The following EIF2AK2 variants were observed in gnomAD, a reference collection of about 807,000 sequenced individuals.
EIF2AK2 encodes interferon-induced, double-stranded RNA-activated protein kinase.
A neutral mutation model predicts 70.5 loss-of-function variants in EIF2AK2; 40 were observed. The observed-to-expected ratio is 0.57, with a 90% confidence interval of 0.44 to 0.74. EIF2AK2 has a LOEUF of 0.74. EIF2AK2 is among the 30% of genes least tolerant of loss of function. The probability of loss-of-function intolerance (pLI) is 0.00; values close to 1 mark genes in which losing one functional copy is unlikely to be tolerated. For synonymous variants in EIF2AK2, 198 were observed against 220.9 expected (o/e 0.90, Z 0.92); for missense variants, 555 against 644.3 (o/e 0.86, Z 1.50).
intron 5 of EIF2AK2, among the ~76,000 whole-genome samples, chr2:37,140,604 C>A (rs923397323): frequency 4.0e-5 from 6 of 151,592 alleles, no homozygotes; most frequent in East Asian, 1.9e-4. Context: ...GATACTGCCC[C>A]CCCCCGCAAA....
chr2:37,112,239 A>G (rs1301426498), intron 14 of EIF2AK2, among the ~76,000 whole-genome samples: 1 of 152,142 alleles, frequency 6.6e-6, no homozygotes, highest in Non-Finnish European at 1.5e-5. Flanking sequence ...AGACACTCAG[A>G]GCAAAACTGC....
At chr2:37,139,519 T>C in intron 6 of EIF2AK2, 112 bp downstream of exon 6, 2 of 1,424,582 alleles carry the variant, frequency 1.4e-6, no homozygotes, top group South Asian at 1.3e-5. Flanking sequence ...AATGGAGGAA[T>C]CATTTTGCTA....
intron 1 of EIF2AK2, among the ~76,000 whole-genome samples, chr2:37,154,724 C>G (rs1675863162): frequency 6.6e-6 from 1 of 152,036 alleles, no homozygotes; most frequent in Non-Finnish European, 1.5e-5. Flanking sequence ...CCACGCCCGG[C>G]TAATTTTTTA....
At chr2:37,142,559 G>A (rs1675372143) in intron 4 of EIF2AK2, among the ~76,000 whole-genome samples, 1 of 150,820 alleles carries the variant, frequency 6.6e-6, no homozygotes, top group Admixed American at 6.6e-5. Context: ...GCTTTTTGGG[G>A]GTAAAACATT....
chr2:37,149,640 GA>G (rs1483024056), intron 1 of EIF2AK2, among the ~76,000 whole-genome samples: 6 of 152,156 alleles, frequency 3.9e-5, no homozygotes, highest in Non-Finnish European at 8.8e-5. Flanking sequence ...AACTGGTAAG[GA>G]AACTGGTGTT....
intron 4 of EIF2AK2, among the ~76,000 whole-genome samples, chr2:37,144,440 A>G (rs1675452398): frequency 6.6e-6 from 1 of 152,068 alleles, no homozygotes; most frequent in Non-Finnish European, 1.5e-5. Flanking sequence ...GAATTGCTAC[A>G]ATAGGAGATG....
rs1207574030 is a variant in EIF2AK2 at position 37,130,444 on chromosome 2, C to G, written c.786-4033G>C. Among the ~76,000 whole-genome samples, 3 of 152,160 alleles carry G rather than the reference C, an allele frequency of 2.0e-5. No individual in the cohort carries two copies. In the South Asian group the frequency reaches 6.2e-4, roughly 32 times the overall value. On this transcript the variant is annotated intron_variant, in intron 10 of 16. Transcript: ENST00000233057. The stretch of plus-strand genomic sequence containing the variant: ...ATCCCCACCCATTCTCCCCACAATA[C>G]TCCTATTCTCCCAATTACAAAACCA...
Position 37,106,769 on chromosome 2 carries a change from C to G in EIF2AK2, c.*504G>C, listed in dbSNP as rs1441632980. 6.6e-6 allele frequency: 1 copy of G among 152,088 alleles called. No individual in the cohort carries two copies. The highest frequency in any genetic ancestry group is 1.5e-5 in the Non-Finnish European group (1 of 68,186). The allele number at this position is 152,088 out of a possible 1,614,324, so 9.4% of individuals were successfully genotyped here. A position where few individuals can be genotyped will look rare whatever the true frequency, so the allele number is the denominator to read the frequency against. ...TTTAGAACAAAGAGATGAGGCTGGG[C>G]GCGGTGGCTCATCCCTGTAATCCCA... On this transcript the variant is annotated 3_prime_UTR_variant, in exon 17 of 17. Coordinates refer to ENST00000233057, the MANE Select transcript of EIF2AK2 (RefSeq NM_001135651.3).
chr2:37,139,497 G>T, intron 6 of EIF2AK2, 134 bp downstream of exon 6: 1 of 1,279,860 alleles, frequency 7.8e-7, no homozygotes, highest in Non-Finnish European at 1.1e-6. Context: ...ATGGCTCATC[G>T]GTACGACACA....
At chr2:37,139,252 T>C (rs1573028925) in intron 6 of EIF2AK2, among the ~76,000 whole-genome samples, 1 of 149,970 alleles carries the variant, frequency 6.7e-6, no homozygotes, top group Non-Finnish European at 1.5e-5. Context: ...GAGGCGGAGG[T>C]TGCAGTGAGC....
chr2:37,139,717 T>A lies in EIF2AK2; in HGVS notation c.430A>T (p.Ile144Phe), dbSNP rs187460509. The A allele has an allele frequency of 1.6e-5, 26 of 1,613,384 alleles. No homozygotes were observed. In the East Asian group the frequency reaches 5.6e-4, roughly 35 times the overall value. The part of the protein sequence containing the change: ...KCKMGQKEYS[I>F]GTGSTKQEAK... Reference sequence around the variant, plus strand: ...TCCTGTTTAGTAGAACCTGTACCAATACTATATTCTTTCTGTCCCATTTTG... The same window carrying A: ...TCCTGTTTAGTAGAACCTGTACCAAAACTATATTCTTTCTGTCCCATTTTG... The change falls in exon 6 of 17, where the codon ATT becomes TTT. Residue 144 changes from isoleucine to phenylalanine, a missense_variant. Around this residue, in one of 3 missense-constraint regions of EIF2AK2, gnomAD observed 208 missense variants for 191.8 expected, o/e 1.08. Transcript: ENST00000233057.
intron 10 of EIF2AK2, among the ~76,000 whole-genome samples, chr2:37,128,183 C>T (rs553854730): frequency 2.0e-5 from 3 of 152,232 alleles, no homozygotes; most frequent in East Asian, 1.9e-4. Context: ...CTTTTGATTC[C>T]GTATTGTTTT....
chr2:37,113,728 A>G lies in EIF2AK2; in HGVS notation c.1377+1003T>C, dbSNP rs536323258. On this transcript the variant is annotated intron_variant, in intron 14 of 16. Coordinates refer to ENST00000233057, the MANE Select transcript of EIF2AK2 (RefSeq NM_001135651.3). ...AAAATGTTTAAGTAAATATATGAAA[A>G]GAGGGCATACCTTACTAAAAATCTG... 5.6e-4 allele frequency among the ~76,000 whole-genome samples: 85 copies of G among 152,272 alleles called. No individual in the cohort carries two copies. In the South Asian group the frequency reaches 0.016, roughly 29 times the overall value.
intron 4 of EIF2AK2, among the ~76,000 whole-genome samples, chr2:37,142,487 C>CT (rs963013990): frequency 2.5e-4 from 38 of 149,228 alleles, no homozygotes; most frequent in African/African-American, 7.1e-4. Context: ...TTTTATTGAT[C>CT]TTTTTTTTTT....
chr2:37,107,380 T>G lies in EIF2AK2; in HGVS notation c.1549A>C (p.Lys517Gln). The change falls in exon 17 of 17, where the codon AAA (lysine) becomes CAA (glutamine). Residue 517 changes from lysine (K) to glutamine (Q), a missense_variant. By Grantham distance (53) the Lys-to-Gln change is moderately conservative. Around this residue, in one of 3 missense-constraint regions of EIF2AK2, gnomAD observed 299 missense variants for 375.4 expected, o/e 0.80. Coordinates refer to ENST00000233057, the MANE Select transcript of EIF2AK2 (RefSeq NM_001135651.3). Reference protein sequence around the residue: ...FDKKEKTLLQKLLSKKPEDRP... With the variant: ...FDKKEKTLLQQLLSKKPEDRP... ...TCCTCAGGTTTCTTTGAGAGTAATT[T>G]CTGTAGAAGAGTTTTCTGCAATGAC... 6.2e-7 allele frequency: 1 copy of G among 1,613,776 alleles called. No individual in the cohort carries two copies. The highest frequency in any genetic ancestry group is 1.7e-4 in the Middle Eastern group (1 of 6,060).
intron 8 of EIF2AK2, 39 bp downstream of exon 8, chr2:37,138,231 A>G (rs1675196304): frequency 6.7e-7 from 1 of 1,482,262 alleles, no homozygotes; most frequent in Non-Finnish European, 9.2e-7. Flanking sequence ...CGCACAGAAA[A>G]ATAAGATTAA....
rs1417430952 is a variant in EIF2AK2 at position 37,101,551 on chromosome 2, GT to G, written c.*5721del. On this transcript the variant is annotated 3_prime_UTR_variant, in exon 17 of 17. Coordinates refer to ENST00000233057, the MANE Select transcript of EIF2AK2 (RefSeq NM_001135651.3). The stretch of plus-strand genomic sequence containing the variant: ...CTCCTGAAATGATGTAAGAGAAAGT[GT>G]ATAGCATCACCTATGGAGTATTCTT... 2.0e-5 allele frequency: 3 copies of G among 152,196 alleles called. No homozygotes were observed. The highest frequency in any genetic ancestry group is 7.2e-5 in the African/African-American group (3 of 41,434). The allele number at this position is 152,196 out of a possible 1,614,324, so 9.4% of individuals were successfully genotyped here. A position where few individuals can be genotyped will look rare whatever the true frequency, so the allele number is the denominator to read the frequency against.
chr2:37,124,323 G>A (rs541487622), intron 11 of EIF2AK2, among the ~76,000 whole-genome samples: 15 of 151,690 alleles, frequency 9.9e-5, no homozygotes, highest in East Asian at 7.8e-4. Flanking sequence ...GTGCAATGGC[G>A]CGATCTTGGC....
In EIF2AK2 at chr2:37,120,820, G is replaced by C. The variant is rs562870292; in HGVS notation, c.1068-681C>G. ...TCTACTAAAAACACAAAAATTAGCT[G>C]GGTGTGGTGGCGCGGCACCTGTAGT... On this transcript the variant is annotated intron_variant, in intron 12 of 16. Coordinates refer to ENST00000233057, the MANE Select transcript of EIF2AK2 (RefSeq NM_001135651.3). Among the ~76,000 whole-genome samples the C allele has an allele frequency of 4.5e-4, 67 of 149,564 alleles. 5 individuals are homozygous for C. The highest frequency in any genetic ancestry group is 8.4e-4 in the Non-Finnish European group (56 of 67,062).
Sources: allele counts gnomAD v4.1 joint callset (sites outside exome capture counted in the v4.1 genomes callset), GRCh38; gene constraint gnomAD v4.1.1; regional missense constraint gnomAD v4.1.1; transcripts MANE v1.5; gene names NCBI Gene and HGNC (gene_info 2026-07-23, HGNC 2026-07-21).